Variants in ITCH observed in about 807,000 individuals in gnomAD.
ITCH encodes E3 ubiquitin-protein ligase Itchy homolog.
In ITCH, 28 loss-of-function variants were observed where a neutral mutation model predicts 126.8. The observed-to-expected ratio is 0.22, with a 90% CI of 0.16 to 0.30. The LOEUF (loss-of-function observed/expected upper bound fraction) is 0.30. ITCH is among the 10% of genes least tolerant of loss of function. The pLI is 1.00. For missense variants in ITCH, 631 were observed against 1,032.4 expected (o/e 0.61, Z 5.33); for synonymous variants, 342 against 340.0 (o/e 1.01, Z -0.06).
intron 3 of ITCH, among the ~76,000 whole-genome samples, chr20:34,404,245 T>C (rs763059663): frequency 2.6e-5 from 4 of 152,116 alleles, no homozygotes; most frequent in Non-Finnish European, 5.9e-5. Flanking sequence ...TGTGGGACTT[T>C]AGTTTTCAGA....
intron 16 of ITCH, among the ~76,000 whole-genome samples, chr20:34,472,670 T>G (rs1489064628): frequency 6.6e-6 from 1 of 152,228 alleles, no homozygotes; most frequent in East Asian, 1.9e-4. Context: ...AGCTGGCTAC[T>G]TGCTTTCAGA....
chr20:34,371,718 T>C (rs2037638301), intron 2 of ITCH, among the ~76,000 whole-genome samples: 1 of 152,164 alleles, frequency 6.6e-6, no homozygotes, highest in African/African-American at 2.4e-5. Context: ...TCTCAGCATA[T>C]CCATTTCATC....
At chr20:34,405,490 A>T (rs999460718) in intron 3 of ITCH, among the ~76,000 whole-genome samples, 1 of 151,846 alleles carries the variant, frequency 6.6e-6, no homozygotes, top group African/African-American at 2.4e-5. Flanking sequence ...GGGCAACAAG[A>T]GCGAAACTCC....
At chr20:34,413,961 G>T in intron 6 of ITCH, 82 bp downstream of exon 6, 3 of 1,221,844 alleles carry the variant, frequency 2.5e-6, no homozygotes, top group African/African-American at 1.5e-5. Context: ...TAATTATTTT[G>T]ATTTTTTTTT....
intron 3 of ITCH, chr20:34,401,749 C>A (rs531851397): frequency 2.3e-5 from 12 of 526,684 alleles, no homozygotes; most frequent in East Asian, 3.0e-4. Context: ...AAACCTCCCC[C>A]CTAAAAAAGA....
At chr20:34,481,792 C>G (rs1988772565) in intron 20 of ITCH, among the ~76,000 whole-genome samples, 1 of 152,178 alleles carries the variant, frequency 6.6e-6, no homozygotes, top group South Asian at 2.1e-4. Flanking sequence ...GCAGGCAGAT[C>G]ACAAGGTCAG....
chr20:34,419,969 A>G (rs1980539801), intron 6 of ITCH, among the ~76,000 whole-genome samples: 1 of 151,808 alleles, frequency 6.6e-6, no homozygotes, highest in Admixed American at 6.6e-5. Context: ...ATTTTTGCAT[A>G]TGTTTATTAA....
chr20:34,393,581 A>G (rs937064011), intron 2 of ITCH, among the ~76,000 whole-genome samples: 1 of 152,184 alleles, frequency 6.6e-6, no homozygotes, highest in Non-Finnish European at 1.5e-5. Flanking sequence ...ACTGAAGGGA[A>G]GAAAGTAAAA....
intron 3 of ITCH, among the ~76,000 whole-genome samples, chr20:34,406,829 C>A (rs759350306): frequency 6.6e-6 from 1 of 152,114 alleles, no homozygotes; most frequent in Non-Finnish European, 1.5e-5. Context: ...CCACCGCACC[C>A]GGCTATATTA....
At chr20:34,394,133 C>G (rs1448485190) in intron 3 of ITCH, among the ~76,000 whole-genome samples, 2 of 141,258 alleles carry the variant, frequency 1.4e-5, no homozygotes, top group Non-Finnish European at 3.0e-5. Flanking sequence ...AATCACTTGA[C>G]TTTGGGAGGT....
chr20:34,478,724 G>A (rs1054848774), intron 17 of ITCH, among the ~76,000 whole-genome samples: 1 of 152,028 alleles, frequency 6.6e-6, no homozygotes, highest in Non-Finnish European at 1.5e-5. Flanking sequence ...CATTTTAGTA[G>A]TTCTTATTTA....
chr20:34,502,220 A>G (rs1053877081), intron 23 of ITCH, among the ~76,000 whole-genome samples: 2 of 152,050 alleles, frequency 1.3e-5, no homozygotes, highest in African/African-American at 4.8e-5. Context: ...CTTTCCATCT[A>G]TGTAGTTAAA....
chr20:34,400,708 C>T (rs780762949), intron 3 of ITCH, among the ~76,000 whole-genome samples: 6 of 135,654 alleles, frequency 4.4e-5, no homozygotes, highest in African/African-American at 1.1e-4. Flanking sequence ...TGCAGTGGCG[C>T]GATCTCAGTT....
chr20:34,385,716 T>C (rs2038258250), intron 2 of ITCH, among the ~76,000 whole-genome samples: 1 of 152,232 alleles, frequency 6.6e-6, no homozygotes, highest in Non-Finnish European at 1.5e-5. Context: ...TGTAGCTTCC[T>C]CTTTTTCTCT....
At chr20:34,396,606 T>C (rs2038685933) in intron 3 of ITCH, among the ~76,000 whole-genome samples, 1 of 151,944 alleles carries the variant, frequency 6.6e-6, no homozygotes, top group African/African-American at 2.4e-5. Context: ...ACTTCTAGGC[T>C]GAAGTGATCG....
In ITCH at chr20:34,417,726, T is replaced by TA. The variant is rs1980132469; in HGVS notation, c.475+3850dup. On this transcript the variant is annotated intron_variant, in intron 6 of 24. Coordinates refer to ENST00000374864, the MANE Select transcript of ITCH (RefSeq NM_031483.7). Reference sequence around the variant, plus strand: ...AGCTTTTTTTTTTTTTTTTTTTTTTTAAAGGTTGACTTATTCTTATAGCCC... The same window carrying TA: ...AGCTTTTTTTTTTTTTTTTTTTTTTTAAAAGGTTGACTTATTCTTATAGCCC... Among the ~76,000 whole-genome samples the TA allele has an allele frequency of 4.8e-5, 7 of 147,042 alleles. No homozygotes were observed. The South Asian group carries it at 1.3e-3, about 27-fold the overall frequency.
At chr20:34,409,599 C>G (rs1328678019) in intron 4 of ITCH, among the ~76,000 whole-genome samples, 1 of 152,108 alleles carries the variant, frequency 6.6e-6, no homozygotes, top group African/African-American at 2.4e-5. Context: ...ACATATGGAT[C>G]TTGCATCCCT....
intron 7 of ITCH, among the ~76,000 whole-genome samples, chr20:34,428,678 G>C (rs936253937): frequency 1.3e-5 from 2 of 151,968 alleles, no homozygotes; most frequent in South Asian, 4.2e-4. Context: ...TCGGCCTCCC[G>C]AAGTGTTGGG....
rs1485653449 is a variant in ITCH, at chr20:34,457,460, C to T, written c.1281C>T (p.Asp427=). ...NHNTRITQWE[D]PRSQGQLNEK... ...ACACACGAATTACACAATGGGAAGA[C>T]CCCAGAAGTCAAGGGTAAGAATAGT... Residue 427 remains aspartate (D), a synonymous_variant, in exon 13 of 25, where the codon GAC becomes GAT. Coordinates refer to ENST00000374864, the MANE Select transcript of ITCH (RefSeq NM_031483.7). 2 of 1,607,218 alleles carry T rather than the reference C, an allele frequency of 1.2e-6. No individual in the cohort carries two copies. The highest frequency in any genetic ancestry group is 8.5e-7 in the Non-Finnish European group (1 of 1,173,946).
Sources: gnomAD v4.1 joint callset for allele counts (sites outside exome capture counted in the v4.1 genomes callset) on GRCh38, gnomAD v4.1.1 for gene constraint, MANE v1.5 for transcripts, NCBI Gene and HGNC (gene_info 2026-07-23, HGNC 2026-07-21) for gene names.